The following UGT2B4 variants were observed in gnomAD, a reference collection of about 807,000 sequenced individuals.
UGT2B4 encodes the protein UDP glucuronosyltransferase family 2 member B4, also known as UDP-glucuronosyltransferase 2B4.
Under a neutral mutation model 49.8 loss-of-function variants are expected in UGT2B4, and 49 were observed. That is an observed-to-expected ratio of 0.98 (90% confidence interval 0.78 to 1.25). The LOEUF is 1.25. Ranked by LOEUF, UGT2B4 falls within the 50% of genes most tolerant of loss-of-function variation. The pLI, the probability that UGT2B4 is intolerant of heterozygous loss-of-function variation, is 0.00. For synonymous variants in UGT2B4, 246 were observed against 217.7 expected (o/e 1.13, Z -1.14); for missense variants, 729 against 627.7 (o/e 1.16, Z -1.73).
intron 2 of UGT2B4, among the ~76,000 whole-genome samples, 158 bp downstream of exon 2, chr4:69,493,535 C>T (rs1299109468): frequency 6.6e-6 from 1 of 152,110 alleles, no homozygotes; most frequent in African/African-American, 2.4e-5. Flanking sequence ...AATTCATAAA[C>T]TTGTGATAGT....
chr4:69,490,664 T>G (rs41297385), intron 2 of UGT2B4, among the ~76,000 whole-genome samples: 219 of 152,326 alleles, frequency 1.4e-3, no homozygotes, highest in African/African-American at 4.8e-3. Flanking sequence ...AGAAAAAAGA[T>G]TCCAAATGTT....
intron 1 of UGT2B4, among the ~76,000 whole-genome samples, chr4:69,508,263 T>G (rs1728524030): frequency 6.6e-6 from 1 of 152,158 alleles, no homozygotes; most frequent in African/African-American, 2.4e-5. Flanking sequence ...GGAGTATAAA[T>G]TAATTCAATC....
intron 2 of UGT2B4, among the ~76,000 whole-genome samples, chr4:69,490,409 T>C (rs907749805): frequency 6.6e-6 from 1 of 152,128 alleles, no homozygotes; most frequent in Non-Finnish European, 1.5e-5. Context: ...TTTTGCTGTG[T>C]CTCAGAGGCA....
chr4:69,500,239 C>T (rs1045666038), upstream of UGT2B4, among the ~76,000 whole-genome samples: 1 of 152,030 alleles, frequency 6.6e-6, no homozygotes. Flanking sequence ...ACACTGGGGC[C>T]TGTTGGGATA....
chr4:69,503,866 C>T (rs984975984), intron 1 of UGT2B4, among the ~76,000 whole-genome samples: 6 of 152,214 alleles, frequency 3.9e-5, no homozygotes, highest in East Asian at 1.9e-4. Context: ...CCTGGGCCAC[C>T]GCAGCTCAGA....
chr4:69,524,430 T>C (rs1220063398), intron 1 of UGT2B4, among the ~76,000 whole-genome samples: 1 of 151,994 alleles, frequency 6.6e-6, no homozygotes, highest in Non-Finnish European at 1.5e-5. Context: ...GAAAAAGTGG[T>C]TCATGGGGCA....
chr4:69,486,579 AT>A (rs751312847), intron 4 of UGT2B4, 29 bp downstream of exon 4: 1 of 1,425,240 alleles, frequency 7.0e-7, no homozygotes. Flanking sequence ...TGTTACTAAT[AT>A]ATTCAGTATT....
intron 3 of UGT2B4, 149 bp downstream of exon 3, chr4:69,489,290 A>G (rs1341268854): frequency 9.5e-7 from 1 of 1,056,306 alleles, no homozygotes; most frequent in South Asian, 1.6e-5. Context: ...TCTTCCATAC[A>G]TATTTTTGAT....
chr4:69,480,596 C>G lies in UGT2B4; in HGVS notation c.*38G>C, dbSNP rs375773104. On this transcript the variant is annotated 3_prime_UTR_variant, in exon 6 of 6. Coordinates refer to ENST00000305107, the MANE Select transcript of UGT2B4 (RefSeq NM_021139.3). ...CTTGTTGTAATAAACTAAAGGAGTT[C>G]ATTTATTGGGTTTCCCAGCTTCCAG... is the stretch of plus-strand genomic sequence containing the variant. 9.0e-5 allele frequency: 144 copies of G among 1,597,232 alleles called. No homozygotes were observed. Among genetic ancestry groups the G allele is most frequent in the Non-Finnish European group, 1.2e-4 (135 of 1,171,082 alleles).
At chr4:69,489,822 T>C (rs1727927806) in intron 2 of UGT2B4, among the ~76,000 whole-genome samples, 1 of 152,010 alleles carries the variant, frequency 6.6e-6, no homozygotes, top group Non-Finnish European at 1.5e-5. Flanking sequence ...AGAAATGAAA[T>C]AGAGTTATTA....
upstream of UGT2B4, among the ~76,000 whole-genome samples, chr4:69,498,874 C>G (rs1728231242): frequency 6.6e-6 from 1 of 152,100 alleles, no homozygotes; most frequent in Admixed American, 6.5e-5. Flanking sequence ...TTCAGCACCA[C>G]TCTGATCTTA....
chr4:69,495,727 T>G lies in UGT2B4; in HGVS notation c.135A>C (p.Glu45Asp). 3 of 1,614,058 alleles carry G rather than the reference T, an allele frequency of 1.9e-6. No individual in the cohort carries two copies. The highest frequency in any genetic ancestry group is 2.5e-6 in the Non-Finnish European group (3 of 1,179,954). The change falls in exon 1 of 6, where the codon GAA becomes GAC. Residue 45 changes from glutamate to aspartate, a missense_variant. Coordinates refer to ENST00000305107, the MANE Select transcript of UGT2B4 (RefSeq NM_021139.3). ...TCACCTCATGACCTCTCTGGACAAGTTCATCCAGGATTGTCTTTATATTCA... is the reference window on the plus strand; with the variant it reads ...TCACCTCATGACCTCTCTGGACAAGGTCATCCAGGATTGTCTTTATATTCA... ...HWMNIKTILD[E>D]LVQRGHEVTV...
chr4:69,484,958 T>G (rs994864353), intron 5 of UGT2B4, among the ~76,000 whole-genome samples: 6 of 152,222 alleles, frequency 3.9e-5, no homozygotes, highest in African/African-American at 1.4e-4. Flanking sequence ...TTAAAATGTC[T>G]TCTTATCTAT....
chr4:69,522,896 C>T (rs1676280213), intron 1 of UGT2B4, among the ~76,000 whole-genome samples: 1 of 152,152 alleles, frequency 6.6e-6, no homozygotes, highest in South Asian at 2.1e-4. Flanking sequence ...ACTTTGTTGT[C>T]ATCTCAACAA....
upstream of UGT2B4, among the ~76,000 whole-genome samples, chr4:69,499,343 C>G (rs1041088292): frequency 2.6e-5 from 4 of 152,058 alleles, no homozygotes; most frequent in African/African-American, 9.7e-5. Context: ...ATTCTGTTGT[C>G]TCTGGGTGAG....
upstream of UGT2B4, among the ~76,000 whole-genome samples, chr4:69,500,657 G>GAAAGAAAGAAAGAAAGAAAGAA (rs1560438414): frequency 2.5e-5 from 3 of 119,056 alleles, no homozygotes; most frequent in African/African-American, 5.2e-5. Flanking sequence ...AAGAAAGAAA[G>GAAAGAAAGAAAGAAAGAAAGAA]AAAGAAAGAA....
rs1243425052 is a variant in UGT2B4 at position 69,486,964 on chromosome 4, A to G, written c.1003-268T>C. On this transcript the variant is annotated intron_variant, in intron 3 of 5. Coordinates refer to ENST00000305107, the MANE Select transcript of UGT2B4 (RefSeq NM_021139.3). ...ATTTAAAAAGTTGTTACACTTTTCA[A>G]AAGAAAACTATATGTGGCAAACCAC... 3.3e-5 allele frequency among the ~76,000 whole-genome samples: 5 copies of G among 152,348 alleles called. No individual in the cohort carries two copies. The East Asian group carries it at 9.6e-4, about 29-fold the overall frequency.
intron 1 of UGT2B4, among the ~76,000 whole-genome samples, chr4:69,524,892 C>G (rs554129895): frequency 1.3e-5 from 2 of 152,160 alleles, no homozygotes; most frequent in South Asian, 4.1e-4. Flanking sequence ...CAGGGTAAGA[C>G]AAAAGCTTTG....
chr4:69,498,040 G>A (rs1036724465), upstream of UGT2B4, among the ~76,000 whole-genome samples: 4 of 152,206 alleles, frequency 2.6e-5, no homozygotes, highest in Non-Finnish European at 5.9e-5. Flanking sequence ...TGAAGGCTGA[G>A]ATGAGTGTTA....
Sources: gnomAD v4.1 joint callset for allele counts (sites outside exome capture counted in the v4.1 genomes callset) on GRCh38, gnomAD v4.1.1 for gene constraint, MANE v1.5 for transcripts, NCBI Gene and HGNC (gene_info 2026-07-23, HGNC 2026-07-21) for gene names.